Variants in PHYH observed in about 807,000 individuals in gnomAD.
PHYH encodes the protein phytanoyl-CoA 2-hydroxylase, also known as phytanoyl-CoA dioxygenase, peroxisomal.
PHYH carries 32 observed loss-of-function variants against 38.5 expected under a neutral mutation model. The observed-to-expected ratio is 0.83, with a 90% CI of 0.63 to 1.12. The LOEUF (loss-of-function observed/expected upper bound fraction) is 1.12. PHYH is among the 50% of genes most tolerant of loss of function. PHYH has a pLI of 0.00. For missense variants in PHYH, 426 were observed against 434.8 expected (o/e 0.98, Z 0.18); for synonymous variants, 166 against 157.9 (o/e 1.05, Z -0.38).
At position 13,288,396 on chromosome 10, in the gene PHYH, C is replaced by G; in HGVS notation, c.642G>C (p.Lys214Asn). Residue 214 changes from lysine to asparagine, a missense_variant, in exon 6 of 9, where the codon AAG (lysine) becomes AAC (asparagine). Coordinates refer to ENST00000263038, the MANE Select transcript of PHYH (RefSeq NM_006214.4). ...GCLVVLPGTH[K>N]GSLKPHDYPK... ...GGTAATCGTGGGGCTTCAGGGAGCCCTTGTGTGTGCCTGGGAGCACAACCA... is the reference window on the plus strand; with the variant it reads ...GGTAATCGTGGGGCTTCAGGGAGCCGTTGTGTGTGCCTGGGAGCACAACCA... The G allele has an allele frequency of 6.2e-7, 1 of 1,614,108 alleles. No individual in the cohort carries two copies. Among genetic ancestry groups the G allele is most frequent in the African/African-American group, 1.3e-5 (1 of 75,058 alleles).
chr10:13,284,242 G>C (rs1289812946), intron 6 of PHYH, among the ~76,000 whole-genome samples: 1 of 152,080 alleles, frequency 6.6e-6, no homozygotes, highest in Non-Finnish European at 1.5e-5. Flanking sequence ...AGGATCGATT[G>C]AGCCGGGAGG....
rs1357440827 is a variant in PHYH at position 13,283,828 on chromosome 10, G to A, written c.690C>T (p.Asn230=). 1.7e-5 allele frequency: 27 copies of A among 1,613,750 alleles called. No individual in the cohort carries two copies. Among genetic ancestry groups the A allele is most frequent in the Non-Finnish European group, 2.3e-5 (27 of 1,179,834 alleles). ...HDYPKWEGGV[N]KMFHGIQDYE... ...AGTCCTGGATCCCGTGGAACATTTT[G>A]TTAACTCCCCCCTAGAACAAGAGGC... Residue 230 remains asparagine (N), a synonymous_variant, in exon 7 of 9, where the codon AAC becomes AAT. Coordinates refer to ENST00000263038, the MANE Select transcript of PHYH (RefSeq NM_006214.4).
At position 13,291,894 on chromosome 10, in the gene PHYH, A is replaced by C; in HGVS notation, c.433T>G (p.Cys145Gly). The C allele has an allele frequency of 6.2e-7, 1 of 1,608,564 alleles. No individual in the cohort carries two copies. The highest frequency in any genetic ancestry group is 8.5e-7 in the Non-Finnish European group (1 of 1,176,464). ...GCCATAATATTAGGTCCAGTGAAGCACTCCACATATTTCAGAATCTAAGAA... is the reference window on the plus strand; with the variant it reads ...GCCATAATATTAGGTCCAGTGAAGCCCTCCACATATTTCAGAATCTAAGAA... ...TLPEILKYVE[C>G]FTGPNIMAMH... The change falls in exon 5 of 9, where the codon TGC (cysteine) becomes GGC (glycine). Residue 145 changes from cysteine to glycine, a missense_variant. Transcript: ENST00000263038.
chr10:13,294,157 G>A (rs907030405), intron 4 of PHYH, among the ~76,000 whole-genome samples: 5 of 152,102 alleles, frequency 3.3e-5, no homozygotes, highest in African/African-American at 4.8e-5. Flanking sequence ...AGCCGAGATC[G>A]CACCACTGCA....
At chr10:13,286,292 C>G (rs1835547874) in intron 6 of PHYH, among the ~76,000 whole-genome samples, 1 of 152,108 alleles carries the variant, frequency 6.6e-6, no homozygotes, top group South Asian at 2.1e-4. Flanking sequence ...CCTTGAAGAG[C>G]CGATTTGATC....
intron 1 of PHYH, chr10:13,299,654 G>A: frequency 1.7e-6 from 2 of 1,186,176 alleles, no homozygotes; most frequent in Non-Finnish European, 2.1e-6. Flanking sequence ...ACAGCTGCCG[G>A]GGTCACGCGC....
Position 13,300,010 on chromosome 10 carries a change from CTG to C in PHYH, c.31_32del (p.Gln11AspfsTer39), listed in dbSNP as rs2131665141. On this transcript the variant is annotated frameshift_variant, in exon 1 of 9. Transcript: ENST00000263038. LOFTEE classifies it high-confidence loss of function. ...GGCGGCCGAGGTGGCCCAGAACAAT[CTG>C]CAGACGGGCGGCGGCGCGAAGCTGC... MEQLRAAARL[Q>X]IVLGHLGRPS... The C allele has an allele frequency of 1.3e-6, 2 of 1,533,062 alleles. No homozygotes were observed. The highest frequency in any genetic ancestry group is 2.4e-5 in the South Asian group (2 of 83,240). 95.0% of individuals were successfully genotyped at this position (1,533,062 alleles called of 1,614,324 possible). A position where few individuals can be genotyped will look rare whatever the true frequency, so the allele number is the denominator to read the frequency against.
chr10:13,278,601 T>C (rs918655560), intron 8 of PHYH, among the ~76,000 whole-genome samples: 1 of 151,332 alleles, frequency 6.6e-6, no homozygotes, highest in East Asian at 2.0e-4. Context: ...GTGCAGCGGC[T>C]CACTGCAACC....
intron 2 of PHYH, among the ~76,000 whole-genome samples, chr10:13,296,042 C>G (rs1588517584): frequency 6.6e-6 from 1 of 151,976 alleles, no homozygotes; most frequent in African/African-American, 2.4e-5. Flanking sequence ...GTAGTGGGCA[C>G]CTGTAATCCC....
At position 13,280,174 on chromosome 10, in the gene PHYH, G is replaced by A. The variant is rs188518182; in HGVS notation, c.963+802C>T. Among the ~76,000 whole-genome samples the A allele has an allele frequency of 5.2e-3, 792 of 152,206 alleles. 6 individuals carry two copies. Among genetic ancestry groups the A allele is most frequent in the Middle Eastern group, 0.027 (8 of 294 alleles). ...AGTAGAGACGGGGTTTCACCATGTT[G>A]GCCAGGAAGGTCTCGATCTCCTGAC... On this transcript the variant is annotated intron_variant, in intron 8 of 8. Coordinates refer to ENST00000263038, the MANE Select transcript of PHYH (RefSeq NM_006214.4).
chr10:13,284,045 G>C (rs539990618), intron 6 of PHYH, among the ~76,000 whole-genome samples: 10 of 152,094 alleles, frequency 6.6e-5, no homozygotes, highest in Non-Finnish European at 1.2e-4. Flanking sequence ...CATTTTGGCC[G>C]GGCATGGTGG....
Position 13,283,856 on chromosome 10 carries a change from G to A in PHYH, c.679-17C>T. On this transcript the variant is annotated splice_polypyrimidine_tract_variant and intron_variant, in intron 6 of 8. Coordinates refer to ENST00000263038, the MANE Select transcript of PHYH (RefSeq NM_006214.4). Reference sequence around the variant, plus strand: ...AACTCCCCCCTAGAACAAGAGGCAAGTGAAGTCTACATTTGAGGGAGTACC... The same window carrying A: ...AACTCCCCCCTAGAACAAGAGGCAAATGAAGTCTACATTTGAGGGAGTACC... 1 of 1,610,286 alleles carries A rather than the reference G, an allele frequency of 6.2e-7. No individual in the cohort carries two copies. The highest frequency in any genetic ancestry group is 1.1e-5 in the South Asian group (1 of 90,996).
At chr10:13,280,224 C>T (rs142687034) in intron 8 of PHYH, among the ~76,000 whole-genome samples, 4,364 of 152,312 alleles carry the variant, frequency 0.029, 87 homozygotes, top group Middle Eastern at 0.075. Flanking sequence ...GCTTTGGCCT[C>T]CCAAAGTGCT....
chr10:13,288,922 CAAAAAAAAAAAAAAA>C (rs36019637), intron 5 of PHYH, among the ~76,000 whole-genome samples: 32 of 40,924 alleles, frequency 7.8e-4, no homozygotes, highest in South Asian at 5.2e-3. Flanking sequence ...CACCCCCAAC[CAAAAAAAAAAAAAAA>C]AAAAAAAAAA....
intron 5 of PHYH, among the ~76,000 whole-genome samples, chr10:13,289,853 G>A (rs953053451): frequency 2.0e-5 from 3 of 149,152 alleles, no homozygotes; most frequent in South Asian, 2.1e-4. Flanking sequence ...CAGGAGAATC[G>A]CTTGAACCCA....
At chr10:13,283,869 T>G (rs1421143400) in intron 6 of PHYH, 30 bp from the exon 7 acceptor site, 1 of 1,590,494 alleles carries the variant, frequency 6.3e-7, no homozygotes, top group Non-Finnish European at 8.6e-7. Context: ...AAGTCTACAT[T>G]TGAGGGAGTA....
intron 7 of PHYH, among the ~76,000 whole-genome samples, chr10:13,282,718 C>A (rs916005280): frequency 1.3e-5 from 2 of 152,056 alleles, no homozygotes; most frequent in Non-Finnish European, 2.9e-5. Flanking sequence ...AGTGTGGGGT[C>A]CAATAGTGTC....
intron 6 of PHYH, among the ~76,000 whole-genome samples, chr10:13,284,902 C>T (rs181561817): frequency 1.2e-4 from 18 of 152,248 alleles, no homozygotes; most frequent in African/African-American, 4.3e-4. Flanking sequence ...CAGAGCCCTT[C>T]TCTCCTGGCC....
At chr10:13,296,970 TAATAA>T (rs1769927564) in intron 2 of PHYH, among the ~76,000 whole-genome samples, 1 of 150,622 alleles carries the variant, frequency 6.6e-6, no homozygotes, top group South Asian at 2.1e-4. Flanking sequence ...AAATAAAATA[TAATAA>T]AATATAATAA....
Sources: allele counts gnomAD v4.1 joint callset (sites outside exome capture counted in the v4.1 genomes callset), GRCh38; gene constraint gnomAD v4.1.1; transcripts MANE v1.5; gene names NCBI Gene and HGNC (gene_info 2026-07-23, HGNC 2026-07-21).